ITGA8: variants seen among roughly 807,000 people sequenced by gnomAD.
ITGA8 encodes integrin subunit alpha 8.
Under a neutral mutation model 142.3 loss-of-function variants are expected in ITGA8, and 91 were observed. The observed-to-expected ratio is 0.64, with a 90% CI of 0.54 to 0.76. The LOEUF is 0.76. Ranked by LOEUF, ITGA8 falls within the 30% of genes least tolerant of loss-of-function variation. The probability of loss-of-function intolerance (pLI) is 0.00; values close to 1 mark genes in which losing one functional copy is unlikely to be tolerated. For synonymous variants in ITGA8, 505 were observed against 485.2 expected (o/e 1.04, Z -0.54); for missense variants, 1,406 against 1,327.7 (o/e 1.06, Z -0.92).
chr10:15,660,372 C>G (rs949697336), intron 9 of ITGA8, among the ~76,000 whole-genome samples: 7 of 152,218 alleles, frequency 4.6e-5, no homozygotes, highest in Non-Finnish European at 1.0e-4. Context: ...GCACATGGAT[C>G]AGAAGAAATC....
chr10:15,521,497 A>T (rs1833069029), intron 28 of ITGA8, among the ~76,000 whole-genome samples: 1 of 152,206 alleles, frequency 6.6e-6, no homozygotes. Flanking sequence ...TAATAAAGGC[A>T]TGGACAGAGG....
chr10:15,548,525 C>T lies in ITGA8; in HGVS notation c.2810G>A (p.Gly937Glu). The change falls in exon 27 of 30, where the codon GGA becomes GAA. Residue 937 changes from glycine (G) to glutamate (E), a missense_variant. Transcript: ENST00000378076. ...TGCGCTTTCTCCTCCTTCGAGTCGT[C>T]CCACTGCACAGGAGATTTGTAAACA... is the stretch of plus-strand genomic sequence containing the variant. ...IECLQISCAV[G>E]RLEGGESAVL... The T allele has an allele frequency of 2.5e-6, 4 of 1,606,902 alleles. No individual in the cohort carries two copies. Among genetic ancestry groups the T allele is most frequent in the Admixed American group, 1.7e-5 (1 of 57,854 alleles).
chr10:15,621,634 A>C (rs1833493129), intron 13 of ITGA8, among the ~76,000 whole-genome samples: 1 of 152,146 alleles, frequency 6.6e-6, no homozygotes, highest in Non-Finnish European at 1.5e-5. Context: ...GAAACAGTGA[A>C]GGGAGGGAGA....
chr10:15,672,286 C>G (rs559673572), intron 7 of ITGA8, among the ~76,000 whole-genome samples: 1 of 152,300 alleles, frequency 6.6e-6, no homozygotes, highest in African/African-American at 2.4e-5. Context: ...ACTCAAACTT[C>G]TCTTGTGCGT....
At chr10:15,550,287 C>T (rs373938576) in intron 26 of ITGA8, among the ~76,000 whole-genome samples, 2 of 152,098 alleles carry the variant, frequency 1.3e-5, no homozygotes, top group African/African-American at 2.4e-5. Flanking sequence ...AACCCAGTCT[C>T]GGGTATGTCT....
At chr10:15,674,697 T>C (rs1028590369) in intron 6 of ITGA8, among the ~76,000 whole-genome samples, 10 of 152,126 alleles carry the variant, frequency 6.6e-5, no homozygotes, top group Admixed American at 2.0e-4. Context: ...TCTGGGAGGC[T>C]GAGGCGGGCG....
chr10:15,584,913 C>T (rs557782543), intron 23 of ITGA8, among the ~76,000 whole-genome samples: 1 of 151,956 alleles, frequency 6.6e-6, no homozygotes, highest in African/African-American at 2.4e-5. Flanking sequence ...AAAAATTAGC[C>T]GGGCGTGGTG....
In ITGA8 at chr10:15,586,582, A is replaced by G; in HGVS notation, c.2372+2T>C. On this transcript the variant is annotated splice_donor_variant, in intron 23 of 29. Coordinates refer to ENST00000378076, the MANE Select transcript of ITGA8 (RefSeq NM_003638.3). LOFTEE classifies it high-confidence loss of function. ...TTGTACTATGCATTGCTTACTACTT[A>G]CCCTCTTATTTCCACCTGCGCTACA... The G allele has an allele frequency of 1.3e-6, 2 of 1,581,666 alleles. No individual in the cohort carries two copies. Among genetic ancestry groups the G allele is most frequent in the Non-Finnish European group, 1.7e-6 (2 of 1,150,624 alleles).
Position 15,548,539 on chromosome 10 carries a change from G to C in ITGA8, c.2796C>G (p.Ile932Met), listed in dbSNP as rs756052226. The C allele has an allele frequency of 2.5e-6, 4 of 1,609,634 alleles. No homozygotes were observed. The South Asian group carries it at 4.4e-5, about 18-fold the overall frequency. ...CTTCGAGTCGTCCCACTGCACAGGA[G>C]ATTTGTAAACACTCGATATTTGTAC... ...LNCTNIECLQ[I>M]SCAVGRLEGG... Residue 932 changes from isoleucine (I) to methionine (M), a missense_variant, in exon 27 of 30, where the codon ATC becomes ATG. Coordinates refer to ENST00000378076, the MANE Select transcript of ITGA8 (RefSeq NM_003638.3).
chr10:15,631,246 A>G (rs1434190564), intron 13 of ITGA8, among the ~76,000 whole-genome samples: 2 of 151,994 alleles, frequency 1.3e-5, no homozygotes, highest in African/African-American at 4.8e-5. Flanking sequence ...AAATCATTCT[A>G]CTATAAAGAC....
Position 15,593,492 on chromosome 10 carries a change from A to G in ITGA8, c.2212-1188T>C, listed in dbSNP as rs115658964. Among the ~76,000 whole-genome samples, 661 of 152,330 alleles carry G rather than the reference A, an allele frequency of 4.3e-3. 3 individuals are homozygous for G. The highest frequency in any genetic ancestry group is 0.015 in the African/African-American group (619 of 41,584). On this transcript the variant is annotated intron_variant, in intron 21 of 29. Coordinates refer to ENST00000378076, the MANE Select transcript of ITGA8 (RefSeq NM_003638.3). The stretch of plus-strand genomic sequence containing the variant: ...GCTCCAGGTGCATTGCAAATAAATC[A>G]CAGAGCTAGAATTTAAATCCCTGCA...
chr10:15,528,072 C>A (rs1431035648), intron 28 of ITGA8, among the ~76,000 whole-genome samples: 1 of 151,988 alleles, frequency 6.6e-6, no homozygotes, highest in East Asian at 1.9e-4. Flanking sequence ...AGCATCACCA[C>A]GCCTTGCTAA....
intron 8 of ITGA8, among the ~76,000 whole-genome samples, chr10:15,671,262 A>T (rs1362027979): frequency 1.3e-5 from 2 of 152,226 alleles, no homozygotes; most frequent in African/African-American, 4.8e-5. Flanking sequence ...GTCCAATATG[A>T]GAGGTACTAG....
chr10:15,548,991 T>C (rs1833733316), intron 26 of ITGA8, among the ~76,000 whole-genome samples: 1 of 152,158 alleles, frequency 6.6e-6, no homozygotes, highest in Non-Finnish European at 1.5e-5. Context: ...ATTTGTTCCA[T>C]AACGTTCTTC....
chr10:15,580,583 C>T (rs908016005), intron 23 of ITGA8, among the ~76,000 whole-genome samples: 6 of 152,246 alleles, frequency 3.9e-5, no homozygotes, highest in African/African-American at 1.2e-4. Context: ...TAATCATCAA[C>T]ACTAAATGTG....
intron 21 of ITGA8, among the ~76,000 whole-genome samples, chr10:15,594,249 C>T (rs540443147): frequency 4.6e-5 from 7 of 152,036 alleles, no homozygotes; most frequent in East Asian, 1.9e-4. Flanking sequence ...GAACTGCTAA[C>T]GCATGCCTGA....
intron 15 of ITGA8, among the ~76,000 whole-genome samples, chr10:15,610,502 AC>A (rs1360183127): frequency 1.7e-5 from 1 of 58,842 alleles, no homozygotes; most frequent in Non-Finnish European, 3.9e-5. Flanking sequence ...TCTGATTGGA[AC>A]AAAAAAACCC....
chr10:15,682,690 A>G (rs201833040), intron 4 of ITGA8, among the ~76,000 whole-genome samples: 3 of 152,120 alleles, frequency 2.0e-5, no homozygotes, highest in Admixed American at 2.0e-4. Flanking sequence ...ACCCCTCTCT[A>G]CAAAAAATAC....
At chr10:15,547,527 G>A (rs1012793619) in intron 27 of ITGA8, among the ~76,000 whole-genome samples, 1 of 152,128 alleles carries the variant, frequency 6.6e-6, no homozygotes, top group Non-Finnish European at 1.5e-5. Flanking sequence ...AGTCAAGATC[G>A]CACTACTGCA....
Sources: gnomAD v4.1 joint callset for allele counts (sites outside exome capture counted in the v4.1 genomes callset) on GRCh38, gnomAD v4.1.1 for gene constraint, MANE v1.5 for transcripts, NCBI Gene and HGNC (gene_info 2026-07-23, HGNC 2026-07-21) for gene names.